The following MDM1 variants were observed in gnomAD, a reference collection of about 807,000 sequenced individuals.
MDM1 encodes the protein Mdm1 nuclear protein.
In MDM1, 61 loss-of-function variants were observed where a neutral mutation model predicts 89.1. The ratio of observed to expected loss-of-function variants is 0.68; its 90% confidence interval spans 0.56 to 0.85. The LOEUF (loss-of-function observed/expected upper bound fraction) is 0.85, where lower values mean the gene tolerates loss of function less well. Among genes scored for constraint, MDM1 ranks in the 40% least tolerant of loss-of-function variants. The pLI, the probability that MDM1 is intolerant of heterozygous loss-of-function variation, is 0.00. For synonymous variants in MDM1, 290 were observed against 294.1 expected (o/e 0.99, Z 0.14); for missense variants, 820 against 846.5 (o/e 0.97, Z 0.39).
chr12:68,295,978 C>A (rs1871321064), intron 14 of MDM1, among the ~76,000 whole-genome samples: 1 of 152,130 alleles, frequency 6.6e-6, no homozygotes, highest in Non-Finnish European at 1.5e-5. Flanking sequence ...TCAAAACATA[C>A]AACTTGATTT....
At chr12:68,328,103 G>A (rs374081660) in intron 2 of MDM1, among the ~76,000 whole-genome samples, 4 of 152,108 alleles carry the variant, frequency 2.6e-5, no homozygotes, top group East Asian at 3.9e-4. Flanking sequence ...ACTCCAGTGC[G>A]TCCGCCCAAG....
chr12:68,305,373 A>G (rs1872734807), intron 12 of MDM1, among the ~76,000 whole-genome samples: 1 of 152,104 alleles, frequency 6.6e-6, no homozygotes, highest in African/African-American at 2.4e-5. Flanking sequence ...GCCCACTCTC[A>G]CCACCTCTAT....
chr12:68,318,282 G>A (rs1445711761), intron 7 of MDM1, among the ~76,000 whole-genome samples: 1 of 152,194 alleles, frequency 6.6e-6, no homozygotes, highest in Non-Finnish European at 1.5e-5. Flanking sequence ...ACGGGGCAGT[G>A]GGGGTGGAAG....
chr12:68,310,261 G>A (rs1292397571), intron 12 of MDM1, among the ~76,000 whole-genome samples: 1 of 152,182 alleles, frequency 6.6e-6, no homozygotes, highest in Non-Finnish European at 1.5e-5. Context: ...ATGAGCTACC[G>A]CACCAGGCCA....
chr12:68,305,671 G>C (rs1483882808), intron 12 of MDM1, among the ~76,000 whole-genome samples: 1 of 151,864 alleles, frequency 6.6e-6, no homozygotes, highest in African/African-American at 2.4e-5. Context: ...CAAAAATAAA[G>C]TACCTAGGAA....
rs375849994 is a variant in MDM1 at position 68,300,428 on chromosome 12, A to AT, written c.2002+2191dup. Among the ~76,000 whole-genome samples the AT allele has an allele frequency of 1.6e-3, 246 of 152,254 alleles. 2 individuals are homozygous for AT. Among genetic ancestry groups the AT allele is most frequent in the African/African-American group, 5.7e-3 (238 of 41,564 alleles). ...TTAAAAACCACAAACCAAATATCTA[A>AT]TGCACAAAGATTCATATAAGCTCAA... On this transcript the variant is annotated intron_variant, in intron 13 of 14. Coordinates refer to ENST00000682720, the MANE Select transcript of MDM1 (RefSeq NM_001354969.2).
chr12:68,302,109 A>C (rs1872245734), intron 13 of MDM1, among the ~76,000 whole-genome samples: 2 of 152,222 alleles, frequency 1.3e-5, no homozygotes, highest in Admixed American at 1.3e-4. Context: ...CACATCATAA[A>C]ATTTCAGAAC....
At position 68,316,569 on chromosome 12, in the gene MDM1, A is replaced by G; in HGVS notation, c.1035+12T>C. 2 of 1,533,602 alleles carry G rather than the reference A, an allele frequency of 1.3e-6. No homozygotes were observed. The highest frequency in any genetic ancestry group is 1.7e-6 in the Non-Finnish European group (2 of 1,145,124). 95.0% of individuals were successfully genotyped at this position (1,533,602 alleles called of 1,614,324 possible). On this transcript the variant is annotated intron_variant, in intron 8 of 14. Transcript: ENST00000682720. Reference sequence around the variant, plus strand: ...TATGATTATAGTTTTTAAAAACTCAAAAGCAACCAACCTCAGCATACCACA... The same window carrying G: ...TATGATTATAGTTTTTAAAAACTCAGAAGCAACCAACCTCAGCATACCACA...
At chr12:68,325,989 T>G in intron 3 of MDM1, 8 of 993,796 alleles carry the variant, frequency 8.0e-6, no homozygotes, top group Non-Finnish European at 8.4e-6. Context: ...CCCCAGCTTT[T>G]TCAACAAGCT....
chr12:68,299,542 C>T (rs182096257), intron 13 of MDM1, among the ~76,000 whole-genome samples: 9 of 152,094 alleles, frequency 5.9e-5, no homozygotes, highest in Admixed American at 2.6e-4. Flanking sequence ...TAGAAGATAG[C>T]TGCATGCCAG....
chr12:68,310,740 CT>C (rs1873561684), intron 12 of MDM1, among the ~76,000 whole-genome samples: 1 of 152,218 alleles, frequency 6.6e-6, no homozygotes, highest in Non-Finnish European at 1.5e-5. Context: ...AGAGGGTGCT[CT>C]GATCCCATCT....
chr12:68,324,344 C>T (rs1183992371), intron 4 of MDM1, among the ~76,000 whole-genome samples: 1 of 151,998 alleles, frequency 6.6e-6, no homozygotes, highest in African/African-American at 2.4e-5. Flanking sequence ...TTTAGGTACA[C>T]TTAATCTCCA....
intron 8 of MDM1, 29 bp downstream of exon 8, chr12:68,316,552 T>C (rs747742773): frequency 3.8e-4 from 582 of 1,512,698 alleles, no homozygotes; most frequent in Non-Finnish European, 4.9e-4. Context: ...TCTATGATTA[T>C]AGTTTTTAAA....
intron 1 of MDM1, 118 bp from the exon 2 acceptor site, chr12:68,331,339 C>T (rs1441615348): frequency 1.4e-6 from 1 of 696,376 alleles, no homozygotes; most frequent in Non-Finnish European, 2.6e-6. Flanking sequence ...GAAAATTAAA[C>T]ACAGACGAGC....
At chr12:68,302,327 G>T (rs894600389) in intron 13 of MDM1, among the ~76,000 whole-genome samples, 2 of 152,104 alleles carry the variant, frequency 1.3e-5, no homozygotes, top group African/African-American at 4.8e-5. Context: ...AGACATTTTT[G>T]GTTGTCACAT....
At chr12:68,322,138 C>T (rs1875313517) in intron 5 of MDM1, among the ~76,000 whole-genome samples, 1 of 151,954 alleles carries the variant, frequency 6.6e-6, no homozygotes, top group African/African-American at 2.4e-5. Flanking sequence ...ATTTTTAGGA[C>T]CATAAAGTAT....
chr12:68,312,937 A>G (rs554741614), intron 12 of MDM1, among the ~76,000 whole-genome samples: 2 of 152,256 alleles, frequency 1.3e-5, no homozygotes, highest in East Asian at 3.9e-4. Context: ...TCCTGCTTAA[A>G]TGCCACTCTC....
At chr12:68,306,095 C>G (rs1592953527) in intron 12 of MDM1, among the ~76,000 whole-genome samples, 1 of 151,990 alleles carries the variant, frequency 6.6e-6, no homozygotes, top group African/African-American at 2.4e-5. Flanking sequence ...AAAGAGAACT[C>G]AGAAATAAAG....
intron 13 of MDM1, among the ~76,000 whole-genome samples, chr12:68,298,220 C>G (rs554240883): frequency 2.4e-4 from 37 of 152,244 alleles, no homozygotes; most frequent in African/African-American, 8.4e-4. Context: ...CCTGCAACAC[C>G]CTAGCTGACC....
Sources: gnomAD v4.1 joint callset for allele counts (sites outside exome capture counted in the v4.1 genomes callset) on GRCh38, gnomAD v4.1.1 for gene constraint, MANE v1.5 for transcripts, NCBI Gene and HGNC (gene_info 2026-07-23, HGNC 2026-07-21) for gene names.